The following PCDH7 variants were observed in gnomAD, a reference collection of about 807,000 sequenced individuals.
The protein encoded by PCDH7 is protocadherin-7.
A neutral mutation model predicts 58.9 loss-of-function variants in PCDH7; 17 were observed. That is an observed-to-expected ratio of 0.29 (90% CI 0.20 to 0.43). PCDH7 has a LOEUF of 0.43. PCDH7 is among the 20% of genes least tolerant of loss of function. The pLI is 1.00. For missense variants in PCDH7, 1,274 were observed against 1,441.0 expected, an observed-to-expected ratio of 0.88 and a Z score of 1.88; for synonymous variants, 664 against 616.4, an observed-to-expected ratio of 1.08 and a Z score of -1.14.
intron 2 of PCDH7, among the ~76,000 whole-genome samples, chr4:30,930,793 G>T (rs990315354): frequency 5.9e-5 from 9 of 151,824 alleles, no homozygotes; most frequent in African/African-American, 2.2e-4. Flanking sequence ...TTAAAAATTT[G>T]CCAGATGTGG....
chr4:30,953,560 C>T (rs751372648), intron 3 of PCDH7, among the ~76,000 whole-genome samples: 3 of 150,594 alleles, frequency 2.0e-5, no homozygotes, highest in Non-Finnish European at 3.0e-5. Flanking sequence ...CATTTGAACA[C>T]CTTCAAGGAA....
intron 2 of PCDH7, among the ~76,000 whole-genome samples, chr4:30,949,017 A>G (rs1021374232): frequency 3.2e-4 from 48 of 152,298 alleles, no homozygotes; most frequent in African/African-American, 1.2e-3. Context: ...TTTAGAAACA[A>G]GAATGCAAAC....
intron 3 of PCDH7, among the ~76,000 whole-genome samples, chr4:31,053,815 T>G (rs1756939700): frequency 6.6e-6 from 1 of 152,092 alleles, no homozygotes; most frequent in Admixed American, 6.5e-5. Flanking sequence ...TTCTTTTGAT[T>G]TTCCCATACC....
chr4:30,724,261 C>G, exon 1 of PCDH7: 1 of 1,613,644 alleles, frequency 6.2e-7, no homozygotes, highest in South Asian at 1.1e-5. Flanking sequence ...TAAGCAGCCT[C>G]TCTACAGCAG....
intron 1 of PCDH7, among the ~76,000 whole-genome samples, chr4:30,766,648 CATAT>C (rs71963039): frequency 0.12 from 18,178 of 148,894 alleles, 1,509 homozygotes; most frequent in East Asian, 0.3. Context: ...AAATCTCAAA[CATAT>C]ATATATATAT....
chr4:31,037,426 C>T (rs1342272702), intron 3 of PCDH7, among the ~76,000 whole-genome samples: 2 of 152,158 alleles, frequency 1.3e-5, no homozygotes, highest in African/African-American at 4.8e-5. Flanking sequence ...ATCAGGAGCT[C>T]TCCTGGAAGG....
At chr4:30,931,948 A>C (rs566870554) in intron 2 of PCDH7, among the ~76,000 whole-genome samples, 1 of 151,604 alleles carries the variant, frequency 6.6e-6, no homozygotes, top group African/African-American at 2.4e-5. Context: ...TTTGTCCTCT[A>C]GTATGACTTT....
At chr4:30,889,393 C>T (rs1433942473) in intron 1 of PCDH7, among the ~76,000 whole-genome samples, 2 of 151,818 alleles carry the variant, frequency 1.3e-5, no homozygotes, top group Non-Finnish European at 2.9e-5. Context: ...GCAAATTGAT[C>T]GTTGTCAACA....
chr4:30,743,180 A>G (rs769273727), intron 1 of PCDH7, among the ~76,000 whole-genome samples: 1 of 152,150 alleles, frequency 6.6e-6, no homozygotes, highest in Non-Finnish European at 1.5e-5. Context: ...GTATTTTCCT[A>G]AGGAAAAAAA....
exon 4 of PCDH7, chr4:31,142,605 C>T (rs1399880090): frequency 1.5e-6 from 2 of 1,367,792 alleles, no homozygotes; most frequent in South Asian, 2.3e-5. Context: ...CCTAAACTGT[C>T]CACTTTCATG....
At chr4:31,080,292 A>G (rs1417448793) in intron 3 of PCDH7, among the ~76,000 whole-genome samples, 1 of 151,774 alleles carries the variant, frequency 6.6e-6, no homozygotes, top group African/African-American at 2.4e-5. Context: ...TTTTTTTTTA[A>G]CTAGCATATC....
At chr4:30,885,788 A>T in intron 1 of PCDH7, among the ~76,000 whole-genome samples, 1 of 152,122 alleles carries the variant, frequency 6.6e-6, no homozygotes, top group East Asian at 1.9e-4. Flanking sequence ...AGATCAATGG[A>T]ACAGAACAGA....
intron 1 of PCDH7, among the ~76,000 whole-genome samples, chr4:30,865,428 T>C (rs1734757071): frequency 6.6e-6 from 1 of 152,000 alleles, no homozygotes; most frequent in Non-Finnish European, 1.5e-5. Flanking sequence ...TGAGTTCCCA[T>C]CCCTAAGGGT....
chr4:31,142,869 A>G, exon 4 of PCDH7: 1 of 1,346,596 alleles, frequency 7.4e-7, no homozygotes, highest in South Asian at 1.2e-5. Context: ...GAGCAACAGC[A>G]AAGTTCTTTA....
Position 30,934,022 on chromosome 4 carries a change from C to T in PCDH7, c.287+13653C>T, listed in dbSNP as rs1190976687. Among the ~76,000 whole-genome samples the T allele has an allele frequency of 2.6e-5, 4 of 152,184 alleles. No homozygotes were observed. In the East Asian group the frequency reaches 5.8e-4, roughly 22 times the overall value. On this transcript the variant is annotated intron_variant, in intron 2 of 3. Transcript: ENST00000509759. Reference sequence around the variant, plus strand: ...TCAGTTTTTCCCCGTAAGCTTACTGCCCTTTATTCAGTGTGATCAATTGTA... The same window carrying T: ...TCAGTTTTTCCCCGTAAGCTTACTGTCCTTTATTCAGTGTGATCAATTGTA...
At chr4:30,940,532 T>G (rs1177720737) in intron 2 of PCDH7, among the ~76,000 whole-genome samples, 1 of 152,166 alleles carries the variant, frequency 6.6e-6, no homozygotes, top group Non-Finnish European at 1.5e-5. Flanking sequence ...TAGAGTACAC[T>G]AAGACAAAGA....
intron 1 of PCDH7, among the ~76,000 whole-genome samples, chr4:30,780,783 GTATAC>G (rs1722680819): frequency 6.6e-6 from 1 of 152,052 alleles, no homozygotes; most frequent in African/African-American, 2.4e-5. Context: ...TTTTTTCTTA[GTATAC>G]TCGATTCTAT....
At chr4:31,127,662 A>G (rs1004152525) in intron 3 of PCDH7, among the ~76,000 whole-genome samples, 14 of 152,160 alleles carry the variant, frequency 9.2e-5, no homozygotes, top group Admixed American at 5.9e-4. Flanking sequence ...CTATATTTAC[A>G]TTAGATTTCC....
intron 3 of PCDH7, among the ~76,000 whole-genome samples, chr4:31,093,300 C>G (rs1231176009): frequency 6.6e-6 from 1 of 152,124 alleles, no homozygotes; most frequent in African/African-American, 2.4e-5. Context: ...GTATCAATAA[C>G]AGCACTGTTT....
Sources: allele counts gnomAD v4.1 joint callset (sites outside exome capture counted in the v4.1 genomes callset), GRCh38; gene constraint gnomAD v4.1.1; transcripts MANE v1.5; gene names NCBI Gene and HGNC (gene_info 2026-07-23, HGNC 2026-07-21).